The following NDUFA10 variants were observed in gnomAD, a reference collection of about 807,000 sequenced individuals.
NDUFA10 encodes NADH dehydrogenase [ubiquinone] 1 alpha subcomplex subunit 10, mitochondrial.
A neutral mutation model predicts 47.8 loss-of-function variants in NDUFA10; 40 were observed. The observed-to-expected ratio is 0.84, with a 90% CI of 0.65 to 1.09. The LOEUF (loss-of-function observed/expected upper bound fraction) is 1.09, where lower values mean the gene tolerates loss of function less well. NDUFA10 is among the 50% of genes least tolerant of loss of function. The pLI is 0.00. For missense variants in NDUFA10, 413 were observed against 451.1 expected (o/e 0.92, Z 0.76); for synonymous variants, 183 against 172.2 (o/e 1.06, Z -0.49).
chr2:240,010,078 G>A (rs1697082466), intron 6 of NDUFA10, among the ~76,000 whole-genome samples: 1 of 152,222 alleles, frequency 6.6e-6, no homozygotes, highest in Non-Finnish European at 1.5e-5. Context: ...TCACAAAGCT[G>A]CAGTTTGATC....
intron 2 of NDUFA10, among the ~76,000 whole-genome samples, 181 bp downstream of exon 2, chr2:240,021,991 G>C (rs1338990500): frequency 3.3e-5 from 5 of 152,048 alleles, no homozygotes; most frequent in Non-Finnish European, 7.4e-5. Flanking sequence ...ATTAAAAACA[G>C]CTTTTTCTTG....
intron 5 of NDUFA10, among the ~76,000 whole-genome samples, chr2:239,894,829 C>A (rs1464979797): frequency 2.6e-5 from 4 of 152,062 alleles, no homozygotes; most frequent in Non-Finnish European, 5.9e-5. Context: ...AATATATGAG[C>A]CACCAACTCC....
chr2:239,899,745 G>A (rs571094270), intron 4 of NDUFA10, among the ~76,000 whole-genome samples: 1 of 152,084 alleles, frequency 6.6e-6, no homozygotes, highest in Non-Finnish European at 1.5e-5. Context: ...AAGGGAGTGA[G>A]AGGCTGAATG....
In NDUFA10 at chr2:239,899,395, GA is replaced by G. The variant is rs1693494052; in HGVS notation, c.295-4082del. Among the ~76,000 whole-genome samples the G allele has an allele frequency of 2.3e-5, 2 of 85,458 alleles. 1 individual carries two copies. Among genetic ancestry groups the G allele is most frequent in the East Asian group, 7.8e-4 (2 of 2,554 alleles). The allele number at this position is 85,458 out of a possible 152,430, so 56.1% of individuals were successfully genotyped here. A position where few individuals can be genotyped will look rare whatever the true frequency, so the allele number is the denominator to read the frequency against. On this transcript the variant is annotated intron_variant, in intron 4 of 5. Transcript: ENST00000419408. ...GAGGGGTGTGGAGGGGTGTGGTGGA[GA>G]GGTATGATGCAGAGGTGTGATGGAG...
rs184021959 is a variant in NDUFA10, at chr2:239,912,119, A to G, written c.295-16805T>C. On this transcript the variant is annotated intron_variant, in intron 4 of 5. Coordinates refer to the NDUFA10 transcript ENST00000419408. ...CAGGCATGAACCATCCAAAGCCAATACTCCTGTAGCTGGAACATTCAGGCC... is the reference window on the plus strand; with the variant it reads ...CAGGCATGAACCATCCAAAGCCAATGCTCCTGTAGCTGGAACATTCAGGCC... Among the ~76,000 whole-genome samples, 18 of 151,774 alleles carry G rather than the reference A, an allele frequency of 1.2e-4. No homozygotes were observed. In the East Asian group the frequency reaches 3.3e-3, roughly 28 times the overall value.
In NDUFA10 at chr2:239,939,540, C is replaced by G. The variant is rs1228450238; in HGVS notation, c.295-44226G>C. 2.0e-5 allele frequency among the ~76,000 whole-genome samples: 3 copies of G among 152,216 alleles called. No homozygotes were observed. In the East Asian group the frequency reaches 5.8e-4, roughly 29 times the overall value. ...TTGCTTTTGCATTTTTAAGGAGAAT[C>G]ATTTTGGGGGGATAAAGATTATACA... On this transcript the variant is annotated intron_variant, in intron 4 of 5. Transcript: ENST00000419408.
chr2:239,944,560 C>T (rs914290396), intron 4 of NDUFA10, among the ~76,000 whole-genome samples: 4 of 152,216 alleles, frequency 2.6e-5, no homozygotes, highest in Non-Finnish European at 4.4e-5. Flanking sequence ...CTTTCCTCCA[C>T]ATCTGTTTGA....
intron 4 of NDUFA10, chr2:240,017,943 G>C: frequency 6.6e-7 from 1 of 1,517,874 alleles, no homozygotes; most frequent in Non-Finnish European, 9.0e-7. Context: ...CTGTCCACCA[G>C]GCCTATTCAA....
intron 9 of NDUFA10, among the ~76,000 whole-genome samples, chr2:239,961,661 G>GT (rs892813395): frequency 2.6e-5 from 4 of 152,236 alleles, no homozygotes; most frequent in Admixed American, 2.6e-4. Context: ...GCCGCTGGCT[G>GT]TAAGGGGCCC....
intron 8 of NDUFA10, among the ~76,000 whole-genome samples, chr2:239,997,052 T>C (rs971830715): frequency 2.6e-5 from 4 of 152,136 alleles, no homozygotes; most frequent in Non-Finnish European, 5.9e-5. Context: ...TTTATTATTT[T>C]TTTATTGCTG....
At chr2:239,993,986 C>A (rs1356599702) in intron 8 of NDUFA10, among the ~76,000 whole-genome samples, 3 of 152,040 alleles carry the variant, frequency 2.0e-5, no homozygotes, top group Non-Finnish European at 4.4e-5. Context: ...AGGTGAGATG[C>A]CCCACACAGT....
chr2:240,019,947 A>C (rs1252062967), intron 3 of NDUFA10, among the ~76,000 whole-genome samples: 2 of 152,168 alleles, frequency 1.3e-5, no homozygotes, highest in Non-Finnish European at 2.9e-5. Flanking sequence ...GAAACAGCAG[A>C]CCACATTGTT....
At chr2:239,951,991 G>A (rs1282898598) in intron 4 of NDUFA10, among the ~76,000 whole-genome samples, 1 of 152,238 alleles carries the variant, frequency 6.6e-6, no homozygotes, top group Admixed American at 6.5e-5. Context: ...CTCGGTAGGT[G>A]CTGTGGCATG....
intron 4 of NDUFA10, among the ~76,000 whole-genome samples, chr2:239,908,649 G>A (rs920703389): frequency 6.6e-6 from 1 of 152,230 alleles, no homozygotes; most frequent in African/African-American, 2.4e-5. Flanking sequence ...CCAATGCGCT[G>A]TTAGGAAAGG....
At chr2:239,976,216 C>T (rs1417748840) in intron 9 of NDUFA10, among the ~76,000 whole-genome samples, 1 of 152,198 alleles carries the variant, frequency 6.6e-6, no homozygotes, top group Non-Finnish European at 1.5e-5. Flanking sequence ...TATATTTGAA[C>T]TCCTCGGGTT....
intron 8 of NDUFA10, among the ~76,000 whole-genome samples, chr2:240,001,194 T>C (rs1299119992): frequency 6.6e-6 from 1 of 152,222 alleles, no homozygotes; most frequent in South Asian, 2.1e-4. Context: ...TCACTGTAGA[T>C]TTCCATAAAG....
Position 239,993,329 on chromosome 2 carries a change from C to T in NDUFA10, c.891-3147G>A, listed in dbSNP as rs568542753. ...GATGCCCAGCAGTAGCTAATACTAA[C>T]AAACAAGGATACCATATACATTCAT... On this transcript the variant is annotated intron_variant, in intron 8 of 9. Transcript: ENST00000252711. Among the ~76,000 whole-genome samples the T allele has an allele frequency of 1.8e-3, 280 of 152,308 alleles. 2 individuals carry two copies. Among genetic ancestry groups the T allele is most frequent in the African/African-American group, 6.5e-3 (271 of 41,558 alleles).
In NDUFA10 at chr2:239,945,674, A is replaced by G. The variant is rs1036087782; in HGVS notation, c.294+44400T>C. On this transcript the variant is annotated intron_variant, in intron 4 of 5. Coordinates refer to the NDUFA10 transcript ENST00000419408. This position sits in a 1 kb window ranked among gnomAD's most constrained non-coding sequence, Gnocchi z 4.6. ...GCCCTGGGATGAAAACCAGCATGTC[A>G]GAGCAGAAGCATCTCCAGAGCTTCC... is the stretch of plus-strand genomic sequence containing the variant. 2.0e-4 allele frequency among the ~76,000 whole-genome samples: 30 copies of G among 152,238 alleles called. No individual in the cohort carries two copies. Among genetic ancestry groups the G allele is most frequent in the African/African-American group, 6.8e-4 (28 of 41,468 alleles).
intron 9 of NDUFA10, among the ~76,000 whole-genome samples, chr2:239,968,814 T>C (rs1437190596): frequency 6.6e-6 from 1 of 152,012 alleles, no homozygotes; most frequent in Non-Finnish European, 1.5e-5. Context: ...AGAGTTCACT[T>C]AGGGCTGAGA....
Sources: gnomAD v4.1 joint callset for allele counts (sites outside exome capture counted in the v4.1 genomes callset) on GRCh38, gnomAD v4.1.1 for gene constraint, Gnocchi (gnomAD v3.1) non-coding constraint, MANE v1.5 for transcripts, NCBI Gene and HGNC (gene_info 2026-07-23, HGNC 2026-07-21) for gene names.